Variants in LSR observed in about 807,000 individuals in gnomAD.
The protein encoded by LSR is lipolysis-stimulated lipoprotein receptor.
A neutral mutation model predicts 61.8 loss-of-function variants in LSR; 44 were observed. The ratio of observed to expected loss-of-function variants is 0.71; its 90% CI spans 0.56 to 0.91. The LOEUF (loss-of-function observed/expected upper bound fraction) is 0.91. Among genes scored for constraint, LSR ranks in the 40% least tolerant of loss-of-function variants. The pLI is 0.00. For synonymous variants in LSR, 397 were observed against 350.6 expected (o/e 1.13, Z -1.48); for missense variants, 911 against 830.5 (o/e 1.10, Z -1.19).
In LSR at chr19:35,267,919, A is replaced by C; in HGVS notation, c.*60A>C. The C allele has an allele frequency of 3.2e-6, 5 of 1,569,058 alleles. No individual in the cohort carries two copies. Among genetic ancestry groups the C allele is most frequent in the Non-Finnish European group, 4.4e-6 (5 of 1,140,862 alleles). ...TTTTAATTTGAAGGAACACTGATGA[A>C]GCCCTGCCATACCCCTCCCGAGTCT... On this transcript the variant is annotated 3_prime_UTR_variant, in exon 10 of 10. Transcript: ENST00000605618.
chr19:35,258,183 C>G (rs867947767), intron 2 of LSR, among the ~76,000 whole-genome samples: 1 of 152,086 alleles, frequency 6.6e-6, no homozygotes, highest in African/African-American at 2.4e-5. Context: ...GTGGTTCACG[C>G]CTGTAATCCC....
chr19:35,253,755 C>G (rs2065823685), intron 2 of LSR: 1 of 152,334 alleles, frequency 6.6e-6, no homozygotes. Flanking sequence ...GCCCCCTCCT[C>G]TCTAACCCAG....
At chr19:35,266,995 C>T (rs1387929644) in intron 8 of LSR, 28 bp downstream of exon 8, 2 of 1,593,116 alleles carry the variant, frequency 1.3e-6, no homozygotes, top group Non-Finnish European at 8.5e-7. Flanking sequence ...GGTCTGAGGG[C>T]TTTTAAGGTG....
At chr19:35,256,269 G>A (rs757861285) in intron 2 of LSR, among the ~76,000 whole-genome samples, 7 of 151,872 alleles carry the variant, frequency 4.6e-5, no homozygotes, top group Non-Finnish European at 1.0e-4. Flanking sequence ...CAAAGAGTTT[G>A]TTTTCATAGG....
chr19:35,260,465 T>C (rs1168287693), intron 3 of LSR, among the ~76,000 whole-genome samples: 1 of 151,872 alleles, frequency 6.6e-6, no homozygotes, highest in Non-Finnish European at 1.5e-5. Flanking sequence ...CTAATTTTTT[T>C]TGTATTTTTA....
Position 35,255,703 on chromosome 19 carries a change from T to C in LSR, c.455-3242T>C, listed in dbSNP as rs538119621. On this transcript the variant is annotated intron_variant, in intron 2 of 9. Coordinates refer to ENST00000605618, the MANE Select transcript of LSR (RefSeq NM_205834.4). ...CTGAAGGTCACCATATCCGGAAGCCTTCCCTGGCCTCCTTGTTTAAAATGG... is the reference window on the plus strand; with the variant it reads ...CTGAAGGTCACCATATCCGGAAGCCCTCCCTGGCCTCCTTGTTTAAAATGG... Among the ~76,000 whole-genome samples, 6 of 152,324 alleles carry C rather than the reference T, an allele frequency of 3.9e-5. No individual in the cohort carries two copies. The South Asian group carries it at 1.2e-3, about 32-fold the overall frequency.
rs2065946412 is a variant in LSR at position 35,262,688 on chromosome 19, G to A, written c.774G>A (p.Glu258=). ...PCCPDKCCCP[E]ALYAAGKAAT... ...GCCCAGACAAGTGCTGCTGCCCCGAGGCCCGTAAGTGTCCCGCTCATGGCC... is the reference window on the plus strand; with the variant it reads ...GCCCAGACAAGTGCTGCTGCCCCGAAGCCCGTAAGTGTCCCGCTCATGGCC... The change falls in exon 5 of 10, where the codon GAG becomes GAA. Residue 258 remains glutamate, a synonymous_variant. Coordinates refer to ENST00000605618, the MANE Select transcript of LSR (RefSeq NM_205834.4). The A allele has an allele frequency of 6.2e-7, 1 of 1,613,292 alleles. No individual in the cohort carries two copies. The highest frequency in any genetic ancestry group is 1.3e-5 in the African/African-American group (1 of 74,922).
chr19:35,249,347 A>G (rs2145485739), intron 1 of LSR: 1 of 569,524 alleles, frequency 1.8e-6, no homozygotes, highest in East Asian at 3.3e-5. Context: ...GGAAGATAGC[A>G]GGAAGTGAAA....
intron 3 of LSR, among the ~76,000 whole-genome samples, chr19:35,261,658 G>A (rs920372584): frequency 6.6e-6 from 1 of 152,242 alleles, no homozygotes; most frequent in Non-Finnish European, 1.5e-5. Flanking sequence ...TGCCCAAGCT[G>A]AGGTAGAGCC....
At position 35,249,090 on chromosome 19, in the gene LSR, C is replaced by T. The variant is rs1009148027; in HGVS notation, c.68C>T (p.Ala23Val). ...CACCCGGCCGCCGCAGGCCGGGACG[C>T]GGTCGTCTTCGTGTGGCTTCTGCTT... ...GSHPAAAGRDAVVFVWLLLST... is the reference protein window; with the variant it reads ...GSHPAAAGRDVVVFVWLLLST... The change falls in exon 1 of 10, where the codon GCG becomes GTG. Residue 23 changes from alanine to valine, a missense_variant. Coordinates refer to ENST00000605618, the MANE Select transcript of LSR (RefSeq NM_205834.4). 6.4e-7 allele frequency: 1 copy of T among 1,554,804 alleles called. No homozygotes were observed. The highest frequency in any genetic ancestry group is 8.7e-7 in the Non-Finnish European group (1 of 1,151,234).
intron 2 of LSR, among the ~76,000 whole-genome samples, chr19:35,254,580 C>T (rs1171558613): frequency 6.6e-6 from 1 of 152,192 alleles, no homozygotes; most frequent in Non-Finnish European, 1.5e-5. Context: ...GCCCCCACCT[C>T]CAGCTGCACT....
intron 3 of LSR, 53 bp from the exon 4 acceptor site, chr19:35,261,872 A>G: frequency 7.6e-7 from 1 of 1,310,112 alleles, no homozygotes; most frequent in South Asian, 2.0e-5. Context: ...CGGGGGTGGC[A>G]CAGCCTGGGC....
chr19:35,266,602 T>C, intron 6 of LSR, 70 bp downstream of exon 6: 1 of 1,602,018 alleles, frequency 6.2e-7, no homozygotes, highest in Non-Finnish European at 8.5e-7. Flanking sequence ...GGGCAGGGGC[T>C]GGAAGGAAGA....
chr19:35,249,597 C>T (rs1195338229), intron 1 of LSR, among the ~76,000 whole-genome samples: 1 of 152,032 alleles, frequency 6.6e-6, no homozygotes, highest in African/African-American at 2.4e-5. Context: ...CTGGGGACTC[C>T]CCATCCCCCG....
intron 4 of LSR, 101 bp from the exon 5 acceptor site, chr19:35,262,445 T>C: frequency 7.3e-7 from 1 of 1,372,520 alleles, no homozygotes; most frequent in Non-Finnish European, 1.0e-6. Context: ...TTGCAAATCG[T>C]CCCCGACCTC....
intron 3 of LSR, among the ~76,000 whole-genome samples, chr19:35,259,726 C>T (rs1175332783): frequency 1.3e-5 from 2 of 152,194 alleles, no homozygotes; most frequent in African/African-American, 2.4e-5. Flanking sequence ...CCTCTTGCTA[C>T]ATCCCCAAGG....
intron 2 of LSR, chr19:35,251,840 G>GTTATTTTTTTT (rs1339584339): frequency 8.3e-6 from 1 of 120,550 alleles, no homozygotes; most frequent in South Asian, 2.8e-4. Flanking sequence ...TGAGAACCTT[G>GTTATTTTTTTT]TTCTTTTTTT....
chr19:35,250,689 T>C (rs1350938323), intron 2 of LSR, 30 bp downstream of exon 2: 4 of 1,493,888 alleles, frequency 2.7e-6, no homozygotes, highest in Middle Eastern at 1.8e-4. Context: ...GGGATGAGGC[T>C]GGGCTTGCCC....
At chr19:35,262,777 C>T (rs957386724) in intron 5 of LSR, 85 bp downstream of exon 5, 1 of 1,533,702 alleles carries the variant, frequency 6.5e-7, no homozygotes, top group African/African-American at 1.4e-5. Context: ...GCCCCCAGGA[C>T]AGTGGCGTTG....
Sources: gnomAD v4.1 joint callset for allele counts (sites outside exome capture counted in the v4.1 genomes callset) on GRCh38, gnomAD v4.1.1 for gene constraint, MANE v1.5 for transcripts, NCBI Gene and HGNC (gene_info 2026-07-23, HGNC 2026-07-21) for gene names.